CHADL: variants seen among roughly 807,000 people sequenced by gnomAD.
CHADL encodes the protein chondroadherin-like protein.
Under a neutral mutation model 52.1 loss-of-function variants are expected in CHADL, and 48 were observed. That is an observed-to-expected ratio of 0.92 (90% CI 0.73 to 1.17). The LOEUF (loss-of-function observed/expected upper bound fraction) is 1.17. Ranked by LOEUF, CHADL falls within the 50% of genes most tolerant of loss-of-function variation. CHADL has a pLI of 0.00. For synonymous variants in CHADL, 498 were observed against 511.2 expected (o/e 0.97, Z 0.35); for missense variants, 977 against 1,035.1 (o/e 0.94, Z 0.77).
chr22:41,238,264 C>CCAGGGCCTG lies in CHADL; in HGVS notation c.799_807dup (p.Gln267_Leu269dup). ...GGACAGTGTGCGAAGGCCCTGGGAC[C>CCAGGGCCTG]CAGGGCCTGCAGGGCCCCGCCGTCC... On this transcript the variant is annotated inframe_insertion, in exon 3 of 6. Transcript: ENST00000216241. This position sits in a 1 kb window ranked among gnomAD's most constrained non-coding sequence, Gnocchi z 4.9. 6.5e-7 allele frequency: 1 copy of CCAGGGCCTG among 1,530,480 alleles called. No individual in the cohort carries two copies. Among genetic ancestry groups the CCAGGGCCTG allele is most frequent in the Non-Finnish European group, 8.7e-7 (1 of 1,144,884 alleles). 94.8% of individuals were successfully genotyped at this position (1,530,480 alleles called of 1,614,324 possible).
At chr22:41,233,787 T>C (rs752964178) in intron 5 of CHADL, among the ~76,000 whole-genome samples, 2 of 152,144 alleles carry the variant, frequency 1.3e-5, no homozygotes, top group Non-Finnish European at 2.9e-5. Flanking sequence ...CACCAACTAA[T>C]GGCCCCAGGA....
At chr22:41,239,004 G>A (rs2032811027) in intron 2 of CHADL, 119 bp from the exon 3 acceptor site, 2 of 1,308,138 alleles carry the variant, frequency 1.5e-6, no homozygotes, top group Non-Finnish European at 2.0e-6. Flanking sequence ...CTCTTCATCC[G>A]ACCCCTGACA....
chr22:41,239,926 A>G (rs1266865452), intron 1 of CHADL, among the ~76,000 whole-genome samples: 1 of 152,164 alleles, frequency 6.6e-6, no homozygotes, highest in Non-Finnish European at 1.5e-5. Context: ...TCCAGTTCAG[A>G]GCATGTTCTC....
chr22:41,237,258 A>C lies in CHADL; in HGVS notation c.1814T>G (p.Leu605Arg). Residue 605 changes from leucine (L) to arginine (R), a missense_variant, in exon 3 of 6, where the codon CTC (leucine) becomes CGC (arginine). Leu to Arg is a moderately radical substitution (Grantham distance 102). Transcript: ENST00000216241. Reference sequence around the variant, plus strand: ...GAAGGCTCCGTCACGCAAGGCCCTGAGTGGGTTGCCCGAGAGCTGCAGCTC... The same window carrying C: ...GAAGGCTCCGTCACGCAAGGCCCTGCGTGGGTTGCCCGAGAGCTGCAGCTC... ...LLELQLSGNP[L>R]RALRDGAFQP... 1 of 1,550,538 alleles carries C rather than the reference A, an allele frequency of 6.4e-7. No individual in the cohort carries two copies.
intron 5 of CHADL, chr22:41,230,204 G>C (rs771488641): frequency 6.2e-7 from 1 of 1,607,162 alleles, no homozygotes; most frequent in South Asian, 1.1e-5. Context: ...TTCAAGTCCA[G>C]AGCTGCCTGT....
chr22:41,230,026 G>C (rs1355903691), intron 5 of CHADL: 21 of 769,510 alleles, frequency 2.7e-5, no homozygotes, highest in Admixed American at 1.2e-4. Flanking sequence ...GAGGGTGAAG[G>C]TGCATCCTAG....
At position 41,235,273 on chromosome 22, in the gene CHADL, C is replaced by T. The variant is rs374000422; in HGVS notation, c.2134G>A (p.Val712Met). The T allele has an allele frequency of 1.3e-6, 2 of 1,551,330 alleles. No individual in the cohort carries two copies. Among genetic ancestry groups the T allele is most frequent in the East Asian group, 2.4e-5 (1 of 40,916 alleles). The change falls in exon 5 of 6, where the codon GTG becomes ATG. Residue 712 changes from valine (V) to methionine (M), a missense_variant. Coordinates refer to ENST00000216241, the MANE Select transcript of CHADL (RefSeq NM_138481.2). ...ATPPNARGQR[V>M]KAAAAVFEDC... Reference sequence around the variant, plus strand: ...TCAAAGACAGCAGCTGCAGCCTTCACCCTCTGGCCACGGGCATTGGGAGGG... The same window carrying T: ...TCAAAGACAGCAGCTGCAGCCTTCATCCTCTGGCCACGGGCATTGGGAGGG...
chr22:41,232,348 A>T (rs139490), intron 5 of CHADL, among the ~76,000 whole-genome samples: 1 of 145,130 alleles, frequency 6.9e-6, no homozygotes, highest in African/African-American at 2.6e-5. Context: ...AAAAAAAAAA[A>T]TTTACACCTG....
At chr22:41,232,160 GTC>G (rs1484943981) in intron 5 of CHADL, among the ~76,000 whole-genome samples, 4 of 151,694 alleles carry the variant, frequency 2.6e-5, no homozygotes, top group Non-Finnish European at 5.9e-5. Flanking sequence ...ATGAAACCCT[GTC>G]TCTACTAAAA....
At chr22:41,236,673 A>G in intron 3 of CHADL, 23 bp from the exon 4 acceptor site, 1 of 1,539,178 alleles carries the variant, frequency 6.5e-7, no homozygotes, top group Non-Finnish European at 8.7e-7. Flanking sequence ...GCCAGGCCCC[A>G]ATGTGAGCTC....
In CHADL at chr22:41,238,095, G is replaced by T; in HGVS notation, c.977C>A (p.Ala326Glu). The change falls in exon 3 of 6, where the codon GCG becomes GAG. Residue 326 changes from alanine to glutamate, a missense_variant. By Grantham distance (107) the Ala-to-Glu change is moderately radical (BLOSUM62 -1). Transcript: ENST00000216241. The surrounding 1 kb of genome is among the most constrained non-coding windows in gnomAD (Gnocchi z 4.9). Reference protein sequence around the residue: ...CQARPLLEWLARARVRSDGAC... With the variant: ...CQARPLLEWLERARVRSDGAC... ...GCCGTCCGAGCGCACGCGCGCCCGC[G>T]CCAGCCACTCGAGTAGGGGCCGCGC... is the stretch of plus-strand genomic sequence containing the variant. The T allele has an allele frequency of 7.7e-7, 1 of 1,293,500 alleles. No individual in the cohort carries two copies. Among genetic ancestry groups the T allele is most frequent in the South Asian group, 2.7e-5 (1 of 37,472 alleles). 80.1% of individuals were successfully genotyped at this position (1,293,500 alleles called of 1,614,324 possible).
At chr22:41,236,343 C>A (rs557381461) in intron 4 of CHADL, 141 bp downstream of exon 4, 22 of 694,916 alleles carry the variant, frequency 3.2e-5, no homozygotes, top group Middle Eastern at 3.3e-4. Context: ...AGGGCTTATA[C>A]ATGCCTGGCT....
In CHADL at chr22:41,238,040, G is replaced by T; in HGVS notation, c.1032C>A (p.Gly344=). 7.9e-7 allele frequency: 1 copy of T among 1,273,720 alleles called. No individual in the cohort carries two copies. The highest frequency in any genetic ancestry group is 9.8e-7 in the Non-Finnish European group (1 of 1,017,154). 78.9% of individuals were successfully genotyped at this position (1,273,720 alleles called of 1,614,324 possible). ...AGGGCCGCAGGGCGTCCAGAGCCTC[G>T]CCCCGCAGGCGCCGCGGCCCCTGGC... is the stretch of plus-strand genomic sequence containing the variant. ...GACQGPRRLR[G]EALDALRPWD... The change falls in exon 3 of 6, where the codon GGC becomes GGA. Residue 344 remains glycine (G), a synonymous_variant. Transcript: ENST00000216241. This position sits in a 1 kb window ranked among gnomAD's most constrained non-coding sequence, Gnocchi z 4.9.
Position 41,238,639 on chromosome 22 carries a change from C to A in CHADL, c.433G>T (p.Ala145Ser), listed in dbSNP as rs2032802039. Residue 145 changes from alanine (A) to serine (S), a missense_variant, in exon 3 of 6, where the codon GCA becomes TCA. Coordinates refer to ENST00000216241, the MANE Select transcript of CHADL (RefSeq NM_138481.2). This position sits in a 1 kb window ranked among gnomAD's most constrained non-coding sequence, Gnocchi z 4.9. Reference sequence around the variant, plus strand: ...GTCCCCGGCCGCAGCTCCTCCAGTGCGTTCCCCTCCAGCTCCAGCCGCCGC... The same window carrying A: ...GTCCCCGGCCGCAGCTCCTCCAGTGAGTTCCCCTCCAGCTCCAGCCGCCGC... ...SLRRLELEGN[A>S]LEELRPGTFG... The A allele has an allele frequency of 1.9e-6, 3 of 1,543,856 alleles. No homozygotes were observed. Among genetic ancestry groups the A allele is most frequent in the African/African-American group, 2.7e-5 (2 of 73,006 alleles).
intron 5 of CHADL, among the ~76,000 whole-genome samples, chr22:41,234,364 C>CATTATT (rs71200674): frequency 0.37 from 50,924 of 139,024 alleles, 9,768 homozygotes; most frequent in East Asian, 0.48. Flanking sequence ...GGAGGATGGA[C>CATTATT]ATTATTATTA....
chr22:41,237,624 T>C lies in CHADL; in HGVS notation c.1448A>G (p.Asn483Ser). ...GRLIYLYLSD[N>S]QLAGLSAAAL... ...AGCAGCGCTGAGGCCTGCGAGCTGGTTGTCGGAGAGGTACAGGTAGATCAG... is the reference window on the plus strand; with the variant it reads ...AGCAGCGCTGAGGCCTGCGAGCTGGCTGTCGGAGAGGTACAGGTAGATCAG... The change falls in exon 3 of 6, where the codon AAC becomes AGC. Residue 483 changes from asparagine to serine, a missense_variant. By Grantham distance (46) the Asn-to-Ser change is conservative. Transcript: ENST00000216241. The C allele has an allele frequency of 1.9e-6, 3 of 1,550,336 alleles. No individual in the cohort carries two copies. Among genetic ancestry groups the C allele is most frequent in the Non-Finnish European group, 1.7e-6 (2 of 1,146,828 alleles).
rs1238014098 is a variant in CHADL at position 41,237,525 on chromosome 22, G to A, written c.1547C>T (p.Ala516Val). 15 of 1,550,498 alleles carry A rather than the reference G, an allele frequency of 9.7e-6. No individual in the cohort carries two copies. Among genetic ancestry groups the A allele is most frequent in the Middle Eastern group, 1.7e-4 (1 of 5,992 alleles). The part of the protein sequence containing the change: ...RNRFLQVPGA[A>V]LRALPSLFSL... ...GAAGAGGCTGGGCAGGGCGCGCAGG[G>A]CAGCCCCTGGCACCTGCAGGAAACG... Residue 516 changes from alanine (A) to valine (V), a missense_variant, in exon 3 of 6, where the codon GCC becomes GTC. By Grantham distance (64) the Ala-to-Val change is moderately conservative. Coordinates refer to ENST00000216241, the MANE Select transcript of CHADL (RefSeq NM_138481.2).
chr22:41,234,402 A>T (rs904200818), intron 5 of CHADL, among the ~76,000 whole-genome samples: 2 of 91,014 alleles, frequency 2.2e-5, no homozygotes, highest in African/African-American at 1.0e-4. Flanking sequence ...ATTATTATTG[A>T]GACGGAGTCT....
At chr22:41,235,118 T>G in intron 5 of CHADL, 27 bp downstream of exon 5, 1 of 1,548,750 alleles carries the variant, frequency 6.5e-7, no homozygotes, top group Non-Finnish European at 8.7e-7. Flanking sequence ...CCCACCAAGG[T>G]CTCACCCCTC....
Sources: gnomAD v4.1 joint callset for allele counts (sites outside exome capture counted in the v4.1 genomes callset) on GRCh38, gnomAD v4.1.1 for gene constraint, Gnocchi (gnomAD v3.1) non-coding constraint, MANE v1.5 for transcripts, NCBI Gene and HGNC (gene_info 2026-07-23, HGNC 2026-07-21) for gene names.